WDR20: variants seen among roughly 807,000 people sequenced by gnomAD.
WDR20 encodes WD repeat-containing protein 20.
Under a neutral mutation model 38.7 loss-of-function variants are expected in WDR20, and 3 were observed. The ratio of observed to expected loss-of-function variants is 0.08; its 90% CI spans 0.04 to 0.20. The LOEUF (loss-of-function observed/expected upper bound fraction) is 0.20, where lower values mean the gene tolerates loss of function less well. WDR20 is among the 10% of genes least tolerant of loss of function. WDR20 has a pLI of 1.00. For missense variants in WDR20, 559 were observed against 727.7 expected (o/e 0.77, Z 2.67); for synonymous variants, 298 against 285.6 (o/e 1.04, Z -0.44).
rs141818494 is a variant in WDR20, at chr14:102,177,468, G to A, written c.250-17470G>A. The stretch of plus-strand genomic sequence containing the variant: ...GAAAGTTTTCTCAAAACCCAGTGAA[G>A]GGAGTCTACTAGCTATGAGAAATAT... On this transcript the variant is annotated intron_variant, in intron 1 of 2. Transcript: ENST00000342702. Among the ~76,000 whole-genome samples the A allele has an allele frequency of 2.9e-3, 438 of 152,282 alleles. 4 individuals are homozygous for A. The highest frequency in any genetic ancestry group is 0.01 in the African/African-American group (416 of 41,544).
At chr14:102,161,557 A>G (rs1241374373) in intron 1 of WDR20, among the ~76,000 whole-genome samples, 1 of 152,020 alleles carries the variant, frequency 6.6e-6, no homozygotes, top group African/African-American at 2.4e-5. Flanking sequence ...AGCATTTAGC[A>G]TACTTAGGAA....
chr14:102,146,083 A>G (rs2053551143), intron 1 of WDR20, among the ~76,000 whole-genome samples: 1 of 150,678 alleles, frequency 6.6e-6, no homozygotes, highest in South Asian at 2.1e-4. Flanking sequence ...TGGAATTGAG[A>G]GGGGTGGGGT....
chr14:102,188,992 A>G (rs549228641), intron 1 of WDR20, among the ~76,000 whole-genome samples: 1 of 151,774 alleles, frequency 6.6e-6, no homozygotes, highest in South Asian at 2.1e-4. Flanking sequence ...CAGGCAGATC[A>G]CTTGATGTCA....
chr14:102,199,552 G>A (rs971542013), intron 2 of WDR20, among the ~76,000 whole-genome samples: 1 of 152,166 alleles, frequency 6.6e-6, no homozygotes, highest in Admixed American at 6.5e-5. Flanking sequence ...CACAATTACA[G>A]CAATGTGGCC....
chr14:102,142,586 T>C (rs1308535386), intron 1 of WDR20, among the ~76,000 whole-genome samples: 7 of 151,902 alleles, frequency 4.6e-5, no homozygotes, highest in Non-Finnish European at 2.9e-5. Flanking sequence ...TCCTAGTGGC[T>C]GGAACTACAG....
At chr14:102,146,308 G>A (rs1467761359) in intron 1 of WDR20, among the ~76,000 whole-genome samples, 2 of 152,094 alleles carry the variant, frequency 1.3e-5, no homozygotes, top group Non-Finnish European at 2.9e-5. Flanking sequence ...GGGATTACAG[G>A]CACTTGCCAC....
chr14:102,172,238 C>G (rs1273696100), intron 1 of WDR20, among the ~76,000 whole-genome samples: 3 of 150,720 alleles, frequency 2.0e-5, no homozygotes, highest in Non-Finnish European at 3.0e-5. Flanking sequence ...GGTCACAGAT[C>G]AACAGGATCC....
chr14:102,210,834 A>G (rs1303829863), downstream of WDR20, among the ~76,000 whole-genome samples: 1 of 152,030 alleles, frequency 6.6e-6, no homozygotes, highest in Non-Finnish European at 1.5e-5. Context: ...GAGTCTTCCG[A>G]CTTCTCCCTG....
Position 102,210,314 on chromosome 14 carries a change from T to C in WDR20, c.*434T>C. The stretch of plus-strand genomic sequence containing the variant: ...TGTGTTCAGCACAGATGGCCATGAA[T>C]TGTCATTTATAGTCCAATTTTTTAT... On this transcript the variant is annotated 3_prime_UTR_variant, in exon 3 of 3. Transcript: ENST00000342702. 2.0e-6 allele frequency: 2 copies of C among 987,512 alleles called. No individual in the cohort carries two copies. Among genetic ancestry groups the C allele is most frequent in the Middle Eastern group, 5.2e-4 (1 of 1,916 alleles). 61.2% of individuals were successfully genotyped at this position (987,512 alleles called of 1,614,324 possible).
intron 2 of WDR20, among the ~76,000 whole-genome samples, chr14:102,200,352 G>A (rs1342514656): frequency 6.6e-6 from 1 of 152,188 alleles, no homozygotes; most frequent in East Asian, 1.9e-4. Context: ...CCCAGATCGT[G>A]GAGCGTGTCC....
At chr14:102,216,923 A>G (rs28634216), downstream of WDR20, among the ~76,000 whole-genome samples, 15,249 of 151,966 alleles carry the variant, frequency 0.1, 1,518 homozygotes, top group African/African-American at 0.26. Context: ...ACAGAGCGAG[A>G]CTCTGTCTTA....
chr14:102,199,098 C>G (rs1039471120), intron 2 of WDR20, among the ~76,000 whole-genome samples: 4 of 152,120 alleles, frequency 2.6e-5, no homozygotes, highest in African/African-American at 9.7e-5. Flanking sequence ...ATCTCAGCTA[C>G]TGCTTTCAAA....
At chr14:102,165,990 A>G (rs1183572514) in intron 1 of WDR20, among the ~76,000 whole-genome samples, 1 of 151,214 alleles carries the variant, frequency 6.6e-6, no homozygotes, top group East Asian at 2.0e-4. Context: ...AGTTCTAAGC[A>G]AGTGATTTTC....
At chr14:102,164,068 G>C (rs368222712) in intron 1 of WDR20, among the ~76,000 whole-genome samples, 1 of 152,148 alleles carries the variant, frequency 6.6e-6, no homozygotes, top group African/African-American at 2.4e-5. Flanking sequence ...TTGCCAGGGA[G>C]CTCAGAGAGT....
chr14:102,214,984 A>G, downstream of WDR20: 1 of 985,044 alleles, frequency 1.0e-6, no homozygotes. Context: ...CATTAAATAA[A>G]CGTGTGTGAG....
At chr14:102,212,783 G>A (rs2062722033), downstream of WDR20, 4 of 1,341,306 alleles carry the variant, frequency 3.0e-6, no homozygotes, top group African/African-American at 4.4e-5. Context: ...AATATTTGTA[G>A]TTTTCTCGCC....
intron 2 of WDR20, among the ~76,000 whole-genome samples, chr14:102,199,200 C>T (rs1365429730): frequency 6.6e-6 from 1 of 151,678 alleles, no homozygotes; most frequent in Admixed American, 6.6e-5. Flanking sequence ...CCACTTTCTG[C>T]TTGCAGGATG....
intron 1 of WDR20, among the ~76,000 whole-genome samples, chr14:102,147,831 A>C (rs1312952507): frequency 6.6e-6 from 1 of 152,180 alleles, no homozygotes; most frequent in African/African-American, 2.4e-5. Context: ...CCCGGGTTCA[A>C]GCCATTCGCA....
chr14:102,154,890 A>G (rs1164838484), intron 1 of WDR20, among the ~76,000 whole-genome samples: 1 of 152,170 alleles, frequency 6.6e-6, no homozygotes, highest in African/African-American at 2.4e-5. Context: ...TATTGTTCCT[A>G]CTTTATGGAA....
Sources: allele counts gnomAD v4.1 joint callset (sites outside exome capture counted in the v4.1 genomes callset), GRCh38; gene constraint gnomAD v4.1.1; transcripts MANE v1.5; gene names NCBI Gene and HGNC (gene_info 2026-07-23, HGNC 2026-07-21).